The following MYRIP variants were observed in gnomAD, a reference collection of about 807,000 sequenced individuals.
The protein encoded by MYRIP is rab effector MyRIP.
Under a neutral mutation model 98.0 loss-of-function variants are expected in MYRIP, and 49 were observed. The observed-to-expected ratio is 0.50, with a 90% CI of 0.40 to 0.63. MYRIP has a LOEUF of 0.63. MYRIP is among the 30% of genes least tolerant of loss of function. The pLI is 0.00. For synonymous variants in MYRIP, 404 were observed against 409.5 expected (o/e 0.99, Z 0.16); for missense variants, 1,004 against 1,058.2 (o/e 0.95, Z 0.71).
In MYRIP at chr3:39,973,117, A is replaced by G. The variant is rs573724110; in HGVS notation, c.111-70933A>G. ...AAGACACAGACTGGCAAATTGGATA[A>G]AGAGTCAAGACCCATCAGGGTGCTG... On this transcript the variant is annotated intron_variant, in intron 2 of 16. Transcript: ENST00000302541. Among the ~76,000 whole-genome samples, 4 of 152,290 alleles carry G rather than the reference A, an allele frequency of 2.6e-5. No homozygotes were observed. The South Asian group carries it at 8.3e-4, about 32-fold the overall frequency.
chr3:40,095,470 G>A (rs1029871602), intron 3 of MYRIP, among the ~76,000 whole-genome samples: 2 of 152,168 alleles, frequency 1.3e-5, no homozygotes, highest in African/African-American at 4.8e-5. Flanking sequence ...AAGAGGGGCA[G>A]GACCCCAGGA....
intron 11 of MYRIP, 39 bp downstream of exon 11, chr3:40,210,132 C>T (rs762367935): frequency 1.9e-6 from 3 of 1,600,852 alleles, no homozygotes; most frequent in Non-Finnish European, 2.6e-6. Context: ...GCTCAAGCTT[C>T]TGCAGTGGGG....
chr3:39,932,146 C>T (rs1268471140), intron 2 of MYRIP, among the ~76,000 whole-genome samples: 4 of 152,110 alleles, frequency 2.6e-5, no homozygotes, highest in African/African-American at 9.7e-5. Flanking sequence ...GCCAGGCATT[C>T]CAGAAGAGTG....
chr3:40,041,366 C>T (rs1947526324), intron 2 of MYRIP, among the ~76,000 whole-genome samples: 1 of 139,742 alleles, frequency 7.2e-6, no homozygotes, highest in East Asian at 2.0e-4. Flanking sequence ...CAGACACCAA[C>T]CTAAGCGGTG....
intron 4 of MYRIP, among the ~76,000 whole-genome samples, chr3:40,156,891 T>G (rs903636151): frequency 6.6e-6 from 1 of 151,564 alleles, no homozygotes; most frequent in African/African-American, 2.4e-5. Context: ...AAGGAGATTT[T>G]GGGCTGAGAC....
chr3:39,826,924 G>T (rs911745866), intron 1 of MYRIP, among the ~76,000 whole-genome samples: 2 of 151,984 alleles, frequency 1.3e-5, no homozygotes, highest in African/African-American at 4.8e-5. Flanking sequence ...TTTGGTTAAA[G>T]TCTGTTTTAC....
In MYRIP at chr3:40,123,386, T is replaced by A. The variant is rs1949446574; in HGVS notation, c.333-27662T>A. ...ACATTTCCAAACATGGGCAGTTCTC[T>A]GACTGAAAATGGGGCCTCAGCTGGG... On this transcript the variant is annotated intron_variant, in intron 3 of 16. Transcript: ENST00000302541. Among the ~76,000 whole-genome samples the A allele has an allele frequency of 2.0e-5, 3 of 152,350 alleles. No individual in the cohort carries two copies. In the South Asian group the frequency reaches 6.2e-4, roughly 32 times the overall value.
chr3:40,237,860 A>C (rs1180922634), intron 12 of MYRIP, among the ~76,000 whole-genome samples: 2 of 152,278 alleles, frequency 1.3e-5, no homozygotes, highest in African/African-American at 4.8e-5. Context: ...GTCAGTTCTC[A>C]TAGCACACTT....
intron 16 of MYRIP, among the ~76,000 whole-genome samples, chr3:40,254,732 A>AC (rs990579081): frequency 1.9e-4 from 29 of 150,684 alleles, no homozygotes; most frequent in East Asian, 3.9e-4. Flanking sequence ...CAATTTGGGA[A>AC]CCCCCCCAGA....
chr3:40,230,842 T>C (rs1268936336), intron 11 of MYRIP, among the ~76,000 whole-genome samples: 1 of 152,060 alleles, frequency 6.6e-6, no homozygotes, highest in African/African-American at 2.4e-5. Flanking sequence ...TTTTGTTTTT[T>C]TTAGGCGGAA....
intron 16 of MYRIP, among the ~76,000 whole-genome samples, chr3:40,253,696 G>A (rs527631185): frequency 1.8e-4 from 28 of 152,270 alleles, no homozygotes; most frequent in African/African-American, 6.7e-4. Context: ...AATCAGTATT[G>A]ACAATAGAGT....
At chr3:39,984,516 G>A (rs1945983200) in intron 2 of MYRIP, among the ~76,000 whole-genome samples, 1 of 152,110 alleles carries the variant, frequency 6.6e-6, no homozygotes, top group Non-Finnish European at 1.5e-5. Context: ...TGACAATGAT[G>A]ATTTCCAATT....
intron 11 of MYRIP, among the ~76,000 whole-genome samples, chr3:40,220,163 C>A (rs1345237236): frequency 2.0e-5 from 3 of 151,976 alleles, no homozygotes; most frequent in East Asian, 3.9e-4. Flanking sequence ...ATATCCTTCG[C>A]CCACTTTTTG....
chr3:40,150,239 C>T (rs545494292), intron 3 of MYRIP, among the ~76,000 whole-genome samples: 1 of 151,988 alleles, frequency 6.6e-6, no homozygotes, highest in Admixed American at 6.6e-5. Context: ...TACAGGCATG[C>T]GCCACCACAC....
intron 10 of MYRIP, among the ~76,000 whole-genome samples, chr3:40,206,374 G>GT (rs1331948518): frequency 6.6e-6 from 1 of 152,140 alleles, no homozygotes; most frequent in East Asian, 1.9e-4. Flanking sequence ...GGTGCTTCCA[G>GT]TTATGCTCAT....
chr3:40,186,911 A>T (rs557705427), intron 9 of MYRIP, among the ~76,000 whole-genome samples: 118 of 152,346 alleles, frequency 7.7e-4, no homozygotes, highest in Non-Finnish European at 1.4e-3. Flanking sequence ...TACTTTTCTC[A>T]AAAGACCTGC....
chr3:39,970,636 G>T (rs1272217964), intron 2 of MYRIP, among the ~76,000 whole-genome samples: 1 of 152,102 alleles, frequency 6.6e-6, no homozygotes, highest in Non-Finnish European at 1.5e-5. Context: ...TCATGGTGGA[G>T]AATTTAATGA....
Position 40,190,376 on chromosome 3 carries a change from G to A in MYRIP, c.1578G>A (p.Arg526=), listed in dbSNP as rs765375494. ...APHTTDRRAR[R]WRRARLGSEE... The stretch of plus-strand genomic sequence containing the variant: ...ACACCACAGACCGGCGGGCCAGGAG[G>A]TGGAGAAGAGCCCGACTGGGCTCAG... Residue 526 remains arginine (R), a synonymous_variant, in exon 10 of 17, where the codon AGG becomes AGA. Coordinates refer to ENST00000302541, the MANE Select transcript of MYRIP (RefSeq NM_015460.4). 4.6e-5 allele frequency: 75 copies of A among 1,613,814 alleles called. No homozygotes were observed. Among genetic ancestry groups the A allele is most frequent in the Non-Finnish European group, 7.6e-6 (9 of 1,179,946 alleles).
At chr3:39,853,817 G>C (rs1942209788) in intron 1 of MYRIP, among the ~76,000 whole-genome samples, 1 of 152,042 alleles carries the variant, frequency 6.6e-6, no homozygotes, top group South Asian at 2.1e-4. Context: ...TCTCGGTCAT[G>C]ATCTCTTTGC....
Sources: gnomAD v4.1 joint callset for allele counts (sites outside exome capture counted in the v4.1 genomes callset) on GRCh38, gnomAD v4.1.1 for gene constraint, MANE v1.5 for transcripts, NCBI Gene and HGNC (gene_info 2026-07-23, HGNC 2026-07-21) for gene names.